GFPT1: variants seen among roughly 807,000 people sequenced by gnomAD.
GFPT1 encodes the protein glutamine--fructose-6-phosphate aminotransferase [isomerizing] 1.
In GFPT1, 40 loss-of-function variants were observed where a neutral mutation model predicts 92.0. That is an observed-to-expected ratio of 0.43 (90% CI 0.34 to 0.57). The LOEUF (loss-of-function observed/expected upper bound fraction) is 0.57. GFPT1 is among the 20% of genes least tolerant of loss of function. GFPT1 has a pLI of 0.02. For missense variants in GFPT1, 448 were observed against 869.1 expected (o/e 0.52, Z 6.09); for synonymous variants, 269 against 280.6 (o/e 0.96, Z 0.41).
intron 9 of GFPT1, 89 bp downstream of exon 9, chr2:69,354,170 C>T: frequency 1.2e-6 from 1 of 866,776 alleles, no homozygotes; most frequent in East Asian, 2.7e-5. Context: ...AGGCCCAGCA[C>T]ATTCATTCAC....
At chr2:69,346,428 C>A (rs533262320) in intron 11 of GFPT1, among the ~76,000 whole-genome samples, 8 of 152,138 alleles carry the variant, frequency 5.3e-5, no homozygotes, top group Admixed American at 2.6e-4. Flanking sequence ...TTAGTAGAGA[C>A]AAGGTTTCAC....
chr2:69,356,515 C>T lies in GFPT1; in HGVS notation c.586G>A (p.Gly196Arg), dbSNP rs370171865. ...ALVFKSVHFP[G>R]QAVGTRRGSP... ...ATGTACCTTGTGCCAACTGCTTGCC[C>T]GGGAAAATGAACACTTTTAAACACA... is the stretch of plus-strand genomic sequence containing the variant. Residue 196 changes from glycine (G) to arginine (R), a missense_variant, in exon 7 of 20, where the codon GGG (glycine) becomes AGG (arginine). Gly to Arg is a moderately radical substitution (Grantham distance 125). This residue lies in a region of GFPT1 where 118 missense variants were observed against 192.9 expected (regional missense o/e 0.61). Coordinates refer to ENST00000357308, the MANE Select transcript of GFPT1 (RefSeq NM_001244710.2). 5 of 1,612,970 alleles carry T rather than the reference C, an allele frequency of 3.1e-6. No homozygotes were observed. Among genetic ancestry groups the T allele is most frequent in the South Asian group, 1.1e-5 (1 of 91,066 alleles).
chr2:69,372,198 C>CAAA (rs534920006), intron 2 of GFPT1, among the ~76,000 whole-genome samples: 16 of 52,562 alleles, frequency 3.0e-4, no homozygotes, highest in Non-Finnish European at 3.7e-4. Flanking sequence ...GACTCCATCT[C>CAAA]AAAAAAAAAA....
chr2:69,331,241 A>C (rs1670655295), intron 15 of GFPT1, among the ~76,000 whole-genome samples: 1 of 152,170 alleles, frequency 6.6e-6, no homozygotes, highest in African/African-American at 2.4e-5. Context: ...TGAATCCTAA[A>C]GCTAAGCTTT....
At chr2:69,366,763 A>G (rs1028878674) in intron 3 of GFPT1, among the ~76,000 whole-genome samples, 1 of 152,156 alleles carries the variant, frequency 6.6e-6, no homozygotes. Flanking sequence ...TTTTTCCTTT[A>G]AAGGCTAACT....
chr2:69,347,378 C>A (rs898851935), intron 11 of GFPT1, among the ~76,000 whole-genome samples: 1 of 151,894 alleles, frequency 6.6e-6, no homozygotes. Flanking sequence ...CTACCACAAT[C>A]CCATCAGAAA....
chr2:69,332,487 C>T (rs537328834), intron 15 of GFPT1, among the ~76,000 whole-genome samples: 4 of 150,988 alleles, frequency 2.6e-5, no homozygotes, highest in East Asian at 1.9e-4. Context: ...CTAATTTTCT[C>T]GTGTTTTTTT....
At chr2:69,371,076 C>CTTTTTTTTTTT (rs1156764424) in intron 2 of GFPT1, among the ~76,000 whole-genome samples, 4 of 127,770 alleles carry the variant, frequency 3.1e-5, no homozygotes, top group South Asian at 2.6e-4. Flanking sequence ...CTTTTCTTTT[C>CTTTTTTTTTTT]TTTTTTTTTT....
At chr2:69,356,648 T>G in intron 6 of GFPT1, 91 bp from the exon 7 acceptor site, 1 of 895,012 alleles carries the variant, frequency 1.1e-6, no homozygotes, top group Admixed American at 1.7e-5. Flanking sequence ...AGAAATTTTT[T>G]GTTCACACAA....
rs6720415 is a variant in GFPT1, at chr2:69,387,029, A to C, written c.7+36T>G. On this transcript the variant is annotated intron_variant, in intron 1 of 19. Transcript: ENST00000357308. ...GGCACCCGCACCGCACCCCAGCGCC[A>C]CCCGGCAACACGCCCCCCGCTCCCG... 4.7e-6 allele frequency: 7 copies of C among 1,487,026 alleles called. No homozygotes were observed. In the African/African-American group the frequency reaches 9.9e-5, roughly 21 times the overall value. 92.1% of individuals were successfully genotyped at this position (1,487,026 alleles called of 1,614,324 possible).
In GFPT1 at chr2:69,324,474, T is replaced by C. The variant is rs1245679459; in HGVS notation, c.*1715A>G. The C allele has an allele frequency of 6.6e-6, 1 of 152,182 alleles. No individual in the cohort carries two copies. Among genetic ancestry groups the C allele is most frequent in the Non-Finnish European group, 1.5e-5 (1 of 68,032 alleles). The allele number at this position is 152,182 out of a possible 1,614,324, so 9.4% of individuals were successfully genotyped here. On this transcript the variant is annotated 3_prime_UTR_variant, in exon 20 of 20. Transcript: ENST00000357308. ...TAGATTAATATAGCTATAATAGCCATATATTATATATAATGTAAATAGTGA... is the reference window on the plus strand; with the variant it reads ...TAGATTAATATAGCTATAATAGCCACATATTATATATAATGTAAATAGTGA...
In GFPT1 at chr2:69,362,607, C is replaced by T. The variant is rs374866914; in HGVS notation, c.349+938G>A. 3.8e-4 allele frequency among the ~76,000 whole-genome samples: 58 copies of T among 151,840 alleles called. 2 individuals are homozygous for T. The highest frequency in any genetic ancestry group is 1.4e-3 in the African/African-American group (57 of 41,438). On this transcript the variant is annotated intron_variant, in intron 4 of 19. Coordinates refer to ENST00000357308, the MANE Select transcript of GFPT1 (RefSeq NM_001244710.2). The stretch of plus-strand genomic sequence containing the variant: ...GGTCAGGAGATCGAGACCATCCTGG[C>T]TAATACAGTGAAATGCCGTCTCTAC...
intron 6 of GFPT1, among the ~76,000 whole-genome samples, chr2:69,357,037 C>A (rs1031651072): frequency 2.6e-5 from 4 of 152,142 alleles, no homozygotes; most frequent in African/African-American, 9.7e-5. Context: ...AGCCAAGACC[C>A]ACTTTTTTAA....
At chr2:69,371,116 G>A (rs1338745802) in intron 2 of GFPT1, among the ~76,000 whole-genome samples, 4 of 129,076 alleles carry the variant, frequency 3.1e-5, no homozygotes, top group Non-Finnish European at 4.8e-5. Flanking sequence ...TTGCTCTGTC[G>A]CCCAGGATGG....
At chr2:69,363,501 T>C in intron 4 of GFPT1, 44 bp downstream of exon 4, 1 of 1,583,796 alleles carries the variant, frequency 6.3e-7, no homozygotes, top group Non-Finnish European at 8.7e-7. Flanking sequence ...CCCCCATTAT[T>C]AGGTTTCCAC....
chr2:69,367,344 T>TTTGTTGTTGTTGTTGTTG (rs144120046), intron 3 of GFPT1, among the ~76,000 whole-genome samples: 90 of 150,360 alleles, frequency 6.0e-4, no homozygotes, highest in Middle Eastern at 3.4e-3. Context: ...CAACTTATTT[T>TTTGTTGTTGTTGTTGTTG]TTGTTGTTGT....
At chr2:69,352,179 C>A (rs1454127650) in intron 9 of GFPT1, among the ~76,000 whole-genome samples, 2 of 152,102 alleles carry the variant, frequency 1.3e-5, no homozygotes, top group Non-Finnish European at 2.9e-5. Flanking sequence ...GGGAGAATCG[C>A]TTGAACCTGG....
chr2:69,326,326 A>T lies in GFPT1; in HGVS notation c.2056-93T>A, dbSNP rs1335471742. 5 of 758,308 alleles carry T rather than the reference A, an allele frequency of 6.6e-6. No individual in the cohort carries two copies. In the African/African-American group the frequency reaches 8.8e-5, roughly 13 times the overall value. The allele number at this position is 758,308 out of a possible 1,614,324, so 47.0% of individuals were successfully genotyped here. On this transcript the variant is annotated intron_variant, in intron 19 of 19. Coordinates refer to ENST00000357308, the MANE Select transcript of GFPT1 (RefSeq NM_001244710.2). ...TATAAGCAAATTATTTTTGTTTATAAAAACAGAAAACAATACATTCATTAA... is the reference window on the plus strand; with the variant it reads ...TATAAGCAAATTATTTTTGTTTATATAAACAGAAAACAATACATTCATTAA...
intron 3 of GFPT1, among the ~76,000 whole-genome samples, chr2:69,365,427 A>C (rs1671587549): frequency 6.6e-6 from 1 of 152,226 alleles, no homozygotes; most frequent in African/African-American, 2.4e-5. Flanking sequence ...AGCTGAGATC[A>C]TGCCACTGCC....
Sources: allele counts gnomAD v4.1 joint callset (sites outside exome capture counted in the v4.1 genomes callset), GRCh38; gene constraint gnomAD v4.1.1; regional missense constraint gnomAD v4.1.1; transcripts MANE v1.5; gene names NCBI Gene and HGNC (gene_info 2026-07-23, HGNC 2026-07-21).